The following FGGY variants were observed in gnomAD, a reference collection of about 807,000 sequenced individuals.
FGGY encodes FGGY carbohydrate kinase domain-containing protein.
FGGY carries 72 observed loss-of-function variants against 71.3 expected under a neutral mutation model. The ratio of observed to expected loss-of-function variants is 1.01; its 90% CI spans 0.84 to 1.23. The LOEUF (loss-of-function observed/expected upper bound fraction) is 1.23. Among genes scored for constraint, FGGY ranks in the 50% most tolerant of loss-of-function variants. The pLI, the probability that FGGY is intolerant of heterozygous loss-of-function variation, is 0.00. For synonymous variants in FGGY, 251 were observed against 250.3 expected (o/e 1.00, Z -0.02); for missense variants, 668 against 682.3 (o/e 0.98, Z 0.23).
At chr1:59,380,264 A>G (rs1157482630) in intron 5 of FGGY, among the ~76,000 whole-genome samples, 1 of 151,536 alleles carries the variant, frequency 6.6e-6, no homozygotes, top group African/African-American at 2.5e-5. Flanking sequence ...ATACATGTGC[A>G]TGTGTCTTTA....
At chr1:59,399,508 T>G (rs559999963) in intron 5 of FGGY, among the ~76,000 whole-genome samples, 1 of 152,318 alleles carries the variant, frequency 6.6e-6, no homozygotes, top group East Asian at 1.9e-4. Flanking sequence ...AAGCGGACTC[T>G]CTGAATTCTT....
intron 8 of FGGY, among the ~76,000 whole-genome samples, chr1:59,600,982 CTTTT>C (rs377505663): frequency 1.6e-5 from 2 of 127,032 alleles, no homozygotes; most frequent in Non-Finnish European, 3.3e-5. Flanking sequence ...ATTCTCTATG[CTTTT>C]TTTTTTTTTT....
intron 2 of FGGY, among the ~76,000 whole-genome samples, chr1:59,329,351 A>G (rs2048015545): frequency 6.6e-6 from 1 of 152,250 alleles, no homozygotes; most frequent in African/African-American, 2.4e-5. Context: ...CTTTATTGCT[A>G]AAAATGCTAA....
chr1:59,408,669 A>G (rs2063132079), intron 5 of FGGY, among the ~76,000 whole-genome samples: 1 of 152,152 alleles, frequency 6.6e-6, no homozygotes. Context: ...TCTGTACTTC[A>G]CATCATTTTT....
At chr1:59,516,239 A>T (rs576143574) in intron 7 of FGGY, among the ~76,000 whole-genome samples, 3 of 152,312 alleles carry the variant, frequency 2.0e-5, no homozygotes, top group African/African-American at 4.8e-5. Context: ...GGAGGTGAAC[A>T]GATGCCTGAA....
intron 12 of FGGY, among the ~76,000 whole-genome samples, chr1:59,666,741 A>G (rs2097329666): frequency 6.6e-6 from 1 of 152,184 alleles, no homozygotes; most frequent in Non-Finnish European, 1.5e-5. Context: ...CGGTAATTTT[A>G]GCCCTTAGCC....
intron 8 of FGGY, among the ~76,000 whole-genome samples, chr1:59,590,077 T>C (rs1463435836): frequency 1.3e-5 from 2 of 151,962 alleles, no homozygotes; most frequent in African/African-American, 2.4e-5. Context: ...AAGAATCAAA[T>C]AGACGCAATA....
At chr1:59,742,219 C>T (rs1441979297) in intron 14 of FGGY, among the ~76,000 whole-genome samples, 2 of 152,202 alleles carry the variant, frequency 1.3e-5, no homozygotes, top group African/African-American at 2.4e-5. Flanking sequence ...CTCACCACCA[C>T]CCCTGCCTCC....
intron 7 of FGGY, among the ~76,000 whole-genome samples, chr1:59,528,326 T>G (rs1177764014): frequency 6.6e-6 from 1 of 152,210 alleles, no homozygotes; most frequent in African/African-American, 2.4e-5. Context: ...CAGCAACTTT[T>G]ATGGCTGTGC....
At chr1:59,460,937 G>GCTATA in intron 6 of FGGY, among the ~76,000 whole-genome samples, 1 of 152,232 alleles carries the variant, frequency 6.6e-6, no homozygotes, top group East Asian at 1.9e-4. Context: ...AAGACCAAAG[G>GCTATA]TAGATAAAAC....
At chr1:59,445,088 A>G (rs1234285759) in intron 5 of FGGY, among the ~76,000 whole-genome samples, 1 of 152,206 alleles carries the variant, frequency 6.6e-6, no homozygotes, top group Non-Finnish European at 1.5e-5. Context: ...GGAAGAGATA[A>G]TATCTGTGCC....
intron 9 of FGGY, among the ~76,000 whole-genome samples, chr1:59,623,571 C>G (rs78337276): frequency 7.1e-4 from 108 of 152,218 alleles, no homozygotes; most frequent in Non-Finnish European, 1.2e-3. Flanking sequence ...TAAACCAGTC[C>G]GTTACCATTC....
At chr1:59,609,873 G>T (rs2096657541) in intron 9 of FGGY, among the ~76,000 whole-genome samples, 1 of 152,150 alleles carries the variant, frequency 6.6e-6, no homozygotes, top group Non-Finnish European at 1.5e-5. Flanking sequence ...AAATGAATTG[G>T]ACCTCATCAG....
At chr1:59,356,281 C>T (rs74494355) in intron 4 of FGGY, among the ~76,000 whole-genome samples, 3,741 of 152,222 alleles carry the variant, frequency 0.025, 176 homozygotes, top group African/African-American at 0.086. Flanking sequence ...TTCCAGATGG[C>T]GAATTTCTTG....
At chr1:59,644,517 C>G (rs1441437270) in intron 11 of FGGY, among the ~76,000 whole-genome samples, 1 of 152,068 alleles carries the variant, frequency 6.6e-6, no homozygotes, top group East Asian at 1.9e-4. Flanking sequence ...GAGGGCTACA[C>G]ATACGATTAT....
chr1:59,416,740 A>G (rs1489648248), intron 5 of FGGY, among the ~76,000 whole-genome samples: 2 of 152,050 alleles, frequency 1.3e-5, no homozygotes, highest in East Asian at 3.9e-4. Flanking sequence ...GCATGATGAG[A>G]TTTTTTGTTT....
chr1:59,502,141 C>T (rs1247196357), intron 6 of FGGY, among the ~76,000 whole-genome samples: 1 of 152,146 alleles, frequency 6.6e-6, no homozygotes, highest in Non-Finnish European at 1.5e-5. Context: ...GGTCACAAGC[C>T]CTGTGAGTGA....
chr1:59,648,655 T>G (rs1207758422), intron 11 of FGGY, among the ~76,000 whole-genome samples: 1 of 150,594 alleles, frequency 6.6e-6, no homozygotes, highest in Admixed American at 6.6e-5. Context: ...ATTAGCCCTT[T>G]GTCAGATGAG....
intron 8 of FGGY, among the ~76,000 whole-genome samples, chr1:59,595,030 A>G (rs1243929728): frequency 6.6e-6 from 1 of 152,200 alleles, no homozygotes; most frequent in Non-Finnish European, 1.5e-5. Context: ...ATGCCCCTGC[A>G]TTCATTGAGT....
Sources: gnomAD v4.1 joint callset for allele counts (sites outside exome capture counted in the v4.1 genomes callset) on GRCh38, gnomAD v4.1.1 for gene constraint, MANE v1.5 for transcripts, NCBI Gene and HGNC (gene_info 2026-07-23, HGNC 2026-07-21) for gene names.